CACNA1C: variants seen among roughly 807,000 people sequenced by gnomAD.
CACNA1C encodes voltage-dependent L-type calcium channel subunit alpha-1C.
CACNA1C carries 30 observed loss-of-function variants against 229.0 expected under a neutral mutation model. The ratio of observed to expected loss-of-function variants is 0.13; its 90% confidence interval spans 0.10 to 0.18. The LOEUF (loss-of-function observed/expected upper bound fraction) is 0.18. CACNA1C is among the 10% of genes least tolerant of loss of function. CACNA1C has a pLI of 1.00. For synonymous variants in CACNA1C, 1,114 were observed against 1,132.5 expected, an observed-to-expected ratio of 0.98 and a Z score of 0.33; for missense variants, 1,658 against 2,845.0, an observed-to-expected ratio of 0.58 and a Z score of 9.49.
chr12:2,379,980 G>A (rs868759839), intron 3 of CACNA1C, among the ~76,000 whole-genome samples: 71 of 139,560 alleles, frequency 5.1e-4, no homozygotes, highest in African/African-American at 1.7e-3. Context: ...GCAGTGAGCC[G>A]AGATCCCGCC....
intron 1 of CACNA1C, among the ~76,000 whole-genome samples, chr12:2,105,322 T>C (rs963372453): frequency 6.6e-6 from 1 of 151,968 alleles, no homozygotes; most frequent in Admixed American, 6.6e-5. Flanking sequence ...TACTCGTCAG[T>C]TGGGTTGGGG....
At chr12:2,641,022 C>T (rs1483373383) in intron 30 of CACNA1C, among the ~76,000 whole-genome samples, 1 of 152,228 alleles carries the variant, frequency 6.6e-6, no homozygotes, top group Non-Finnish European at 1.5e-5. Flanking sequence ...ACCACGCCTC[C>T]TGCCCCCTGC....
At chr12:2,024,791 T>C (rs544701234) in intron 1 of CACNA1C, among the ~76,000 whole-genome samples, 7 of 152,294 alleles carry the variant, frequency 4.6e-5, no homozygotes, top group South Asian at 2.1e-4. Flanking sequence ...CTCTATACAC[T>C]GTAGGCCACG....
chr12:2,101,199 G>A (rs555798806), intron 1 of CACNA1C, among the ~76,000 whole-genome samples: 6 of 152,228 alleles, frequency 3.9e-5, no homozygotes, highest in East Asian at 3.9e-4. Context: ...CTCCAGTGAC[G>A]GGCTTCTAGG....
intron 29 of CACNA1C, among the ~76,000 whole-genome samples, chr12:2,626,733 G>T (rs570628687): frequency 5.5e-4 from 83 of 152,066 alleles, no homozygotes; most frequent in Non-Finnish European, 9.4e-4. Context: ...GGCAGAAAAA[G>T]AGCCTCCTGA....
chr12:2,577,458 C>T (rs533197177), intron 13 of CACNA1C, among the ~76,000 whole-genome samples: 21 of 152,314 alleles, frequency 1.4e-4, no homozygotes, highest in Non-Finnish European at 2.6e-4. Context: ...CATATTGATA[C>T]ATATTAGTTT....
intron 9 of CACNA1C, among the ~76,000 whole-genome samples, chr12:2,526,735 A>T (rs1261152910): frequency 1.3e-5 from 2 of 152,252 alleles, no homozygotes; most frequent in Non-Finnish European, 2.9e-5. Context: ...GACTGGAGTG[A>T]TAGAGTAGCA....
chr12:2,441,027 G>A (rs1293271818), intron 3 of CACNA1C, among the ~76,000 whole-genome samples: 1 of 152,230 alleles, frequency 6.6e-6, no homozygotes, highest in Admixed American at 6.5e-5. Context: ...GGGCTGATGA[G>A]TATTCAAGTT....
chr12:2,035,166 C>T (rs1053031487), intron 1 of CACNA1C, among the ~76,000 whole-genome samples: 5 of 152,208 alleles, frequency 3.3e-5, no homozygotes, highest in African/African-American at 1.2e-4. Flanking sequence ...CTCCGCGGGG[C>T]GCCGGCGTCT....
At chr12:2,341,133 T>C (rs1271152268) in intron 3 of CACNA1C, among the ~76,000 whole-genome samples, 1 of 152,176 alleles carries the variant, frequency 6.6e-6, no homozygotes, top group Non-Finnish European at 1.5e-5. Flanking sequence ...GACAGGCCTC[T>C]TCCTGTTTTC....
chr12:2,246,681 G>A (rs1362539673), intron 3 of CACNA1C, among the ~76,000 whole-genome samples: 1 of 152,162 alleles, frequency 6.6e-6, no homozygotes, highest in Non-Finnish European at 1.5e-5. Context: ...CCAGCATGGT[G>A]TGTGTGTGCT....
chr12:2,415,694 C>T (rs905881326), intron 3 of CACNA1C, among the ~76,000 whole-genome samples: 7 of 152,050 alleles, frequency 4.6e-5, no homozygotes, highest in Admixed American at 2.0e-4. Context: ...CCTGTGTGTT[C>T]GGGGCCTTCC....
intron 1 of CACNA1C, among the ~76,000 whole-genome samples, chr12:2,084,513 C>A (rs756207688): frequency 2.6e-5 from 4 of 152,192 alleles, no homozygotes; most frequent in African/African-American, 9.7e-5. Flanking sequence ...TCCCCACTTT[C>A]TTTACCCACG....
chr12:2,397,777 T>A (rs780629968), intron 3 of CACNA1C, among the ~76,000 whole-genome samples: 4 of 152,238 alleles, frequency 2.6e-5, no homozygotes, highest in Non-Finnish European at 4.4e-5. Context: ...GCCATGAGCC[T>A]TCTGATAAAT....
intron 3 of CACNA1C, among the ~76,000 whole-genome samples, chr12:2,210,891 C>T (rs1418381880): frequency 6.6e-6 from 1 of 152,058 alleles, no homozygotes; most frequent in Middle Eastern, 3.2e-3. Flanking sequence ...ATTGAATCTG[C>T]AGCTATAACT....
At position 2,067,867 on chromosome 12, in the gene CACNA1C, C is replaced by G. The variant is rs2059970494; in HGVS notation, c.49+14256C>G. On this transcript the variant is annotated intron_variant, in intron 1 of 46. Transcript: ENST00000399655. The surrounding 1 kb of genome is among the most constrained non-coding windows in gnomAD (Gnocchi z 5.3). ...CCCACCCCTGTCTTTCCATGCCCTTCCATCCAAACCAAGCCCAGCTTCACA... is the reference window on the plus strand; with the variant it reads ...CCCACCCCTGTCTTTCCATGCCCTTGCATCCAAACCAAGCCCAGCTTCACA... Among the ~76,000 whole-genome samples the G allele has an allele frequency of 6.6e-6, 1 of 152,222 alleles. No homozygotes were observed. Among genetic ancestry groups the G allele is most frequent in the Non-Finnish European group, 1.5e-5 (1 of 68,028 alleles).
chr12:2,096,328 A>G (rs987949006), intron 1 of CACNA1C, among the ~76,000 whole-genome samples: 2 of 152,202 alleles, frequency 1.3e-5, no homozygotes, highest in African/African-American at 4.8e-5. Flanking sequence ...CTCTGGGCCT[A>G]TGTCATGTGC....
intron 3 of CACNA1C, among the ~76,000 whole-genome samples, chr12:2,283,245 CCTTA>C (rs1177095390): frequency 6.6e-6 from 1 of 152,158 alleles, no homozygotes; most frequent in Non-Finnish European, 1.5e-5. Context: ...GGCTACTTCT[CCTTA>C]CTCTTAGTGA....
chr12:2,537,142 C>T (rs546041982), intron 9 of CACNA1C, among the ~76,000 whole-genome samples: 1 of 152,362 alleles, frequency 6.6e-6, no homozygotes, highest in East Asian at 1.9e-4. Context: ...CACTGCCCTC[C>T]TCCTCCACTT....
Sources: gnomAD v4.1 joint callset for allele counts (sites outside exome capture counted in the v4.1 genomes callset) on GRCh38, gnomAD v4.1.1 for gene constraint, Gnocchi (gnomAD v3.1) non-coding constraint, MANE v1.5 for transcripts, NCBI Gene and HGNC (gene_info 2026-07-23, HGNC 2026-07-21) for gene names.